DLG2: variants seen among roughly 807,000 people sequenced by gnomAD.
The protein encoded by DLG2 is disks large homolog 2.
Under a neutral mutation model 132.5 loss-of-function variants are expected in DLG2, and 45 were observed. The observed-to-expected ratio is 0.34, with a 90% confidence interval of 0.27 to 0.44. The LOEUF (loss-of-function observed/expected upper bound fraction) is 0.44. DLG2 is among the 20% of genes least tolerant of loss of function. The pLI, the probability that DLG2 is intolerant of heterozygous loss-of-function variation, is 1.00. For synonymous variants in DLG2, 424 were observed against 419.6 expected, an observed-to-expected ratio of 1.01 and a Z score of -0.13; for missense variants, 1,045 against 1,196.9, an observed-to-expected ratio of 0.87 and a Z score of 1.87.
intron 18 of DLG2, among the ~76,000 whole-genome samples, chr11:83,718,233 A>G (rs1200964692): frequency 6.6e-6 from 1 of 152,096 alleles, no homozygotes; most frequent in Non-Finnish European, 1.5e-5. Context: ...CTGGGCTTCT[A>G]AGGTCATTAA....
chr11:84,244,987 A>G (rs768151715), intron 8 of DLG2, among the ~76,000 whole-genome samples: 2 of 152,222 alleles, frequency 1.3e-5, no homozygotes, highest in East Asian at 1.9e-4. Flanking sequence ...CAGACCTACA[A>G]CAAGTGCTTG....
intron 7 of DLG2, among the ~76,000 whole-genome samples, chr11:84,341,542 C>T (rs1426487499): frequency 1.3e-5 from 2 of 152,116 alleles, no homozygotes; most frequent in African/African-American, 4.8e-5. Flanking sequence ...TTTAATTATT[C>T]TAGAGATATA....
At chr11:84,657,895 C>T (rs2099690115) in intron 6 of DLG2, among the ~76,000 whole-genome samples, 1 of 152,170 alleles carries the variant, frequency 6.6e-6, no homozygotes, top group African/African-American at 2.4e-5. Context: ...ACGGTCATTC[C>T]TTTTTCCTTA....
chr11:83,755,241 A>G (rs1423766123), intron 18 of DLG2, among the ~76,000 whole-genome samples: 3 of 151,444 alleles, frequency 2.0e-5, no homozygotes, highest in Non-Finnish European at 4.4e-5. Flanking sequence ...TTACATTTCC[A>G]GCACAGATTA....
At chr11:85,619,179 T>C (rs1173651198) in intron 2 of DLG2, among the ~76,000 whole-genome samples, 2 of 152,178 alleles carry the variant, frequency 1.3e-5, no homozygotes, top group East Asian at 3.8e-4. Flanking sequence ...AAATTGTCCC[T>C]ACGGGGAATT....
chr11:85,498,147 G>C (rs1057075860), intron 3 of DLG2, among the ~76,000 whole-genome samples: 2 of 152,092 alleles, frequency 1.3e-5, no homozygotes, highest in Non-Finnish European at 2.9e-5. Flanking sequence ...ATAAAATAAA[G>C]AGTCAAGAAC....
In DLG2 at chr11:84,262,485, G is replaced by A. The variant is rs149838499; in HGVS notation, c.520-11194C>T. On this transcript the variant is annotated intron_variant, in intron 7 of 27. Coordinates refer to ENST00000376104, the MANE Select transcript of DLG2 (RefSeq NM_001142699.3). Reference sequence around the variant, plus strand: ...ACTAGACATTTATTCAAAGCCTCATGTCTTATATTAAAAATGAATGCAATT... The same window carrying A: ...ACTAGACATTTATTCAAAGCCTCATATCTTATATTAAAAATGAATGCAATT... 1.3e-3 allele frequency among the ~76,000 whole-genome samples: 196 copies of A among 152,244 alleles called. 1 individual carries two copies. Among genetic ancestry groups the A allele is most frequent in the African/African-American group, 3.6e-3 (148 of 41,544 alleles).
chr11:83,968,125 TTGGAC>T (rs1413192398), intron 12 of DLG2, among the ~76,000 whole-genome samples: 3 of 152,340 alleles, frequency 2.0e-5, no homozygotes, highest in Admixed American at 2.0e-4. Context: ...CCCAAAAGCA[TTGGAC>T]TGAATTCCTA....
intron 7 of DLG2, among the ~76,000 whole-genome samples, chr11:84,518,978 A>G (rs1565173512): frequency 6.6e-6 from 1 of 152,146 alleles, no homozygotes; most frequent in Non-Finnish European, 1.5e-5. Context: ...GAGACCATAA[A>G]GCCTGGAAAT....
chr11:84,791,170 GA>G (rs1294673891), intron 6 of DLG2, among the ~76,000 whole-genome samples: 1 of 152,058 alleles, frequency 6.6e-6, no homozygotes, highest in African/African-American at 2.4e-5. Context: ...TCACTATCCG[GA>G]TAACAGCATG....
chr11:84,354,759 C>T (rs2098600940), intron 7 of DLG2, among the ~76,000 whole-genome samples: 2 of 152,090 alleles, frequency 1.3e-5, no homozygotes, highest in Non-Finnish European at 2.9e-5. Context: ...CAGTTAGGCT[C>T]ACTACATCAA....
intron 6 of DLG2, among the ~76,000 whole-genome samples, chr11:84,643,396 T>C (rs1250741074): frequency 2.6e-5 from 4 of 152,226 alleles, no homozygotes; most frequent in Non-Finnish European, 1.5e-5. Context: ...CTTCAGAGCA[T>C]GGGATGTAGA....
chr11:85,322,628 A>G (rs956850051), intron 3 of DLG2, among the ~76,000 whole-genome samples: 1 of 152,180 alleles, frequency 6.6e-6, no homozygotes, highest in Admixed American at 6.5e-5. Flanking sequence ...AAATGGTTCC[A>G]TAACCAAAAA....
intron 3 of DLG2, among the ~76,000 whole-genome samples, chr11:85,497,432 C>A (rs914810891): frequency 4.0e-5 from 6 of 151,874 alleles, no homozygotes; most frequent in Non-Finnish European, 8.8e-5. Context: ...ACTACGTGAA[C>A]AGGCCAAATC....
At chr11:84,610,398 G>T (rs907741996) in intron 6 of DLG2, among the ~76,000 whole-genome samples, 1 of 151,836 alleles carries the variant, frequency 6.6e-6, no homozygotes, top group Non-Finnish European at 1.5e-5. Flanking sequence ...CTTAAATAAA[G>T]AAAAATTTTT....
intron 11 of DLG2, among the ~76,000 whole-genome samples, chr11:83,990,321 A>T (rs1410015484): frequency 6.6e-6 from 1 of 152,084 alleles, no homozygotes; most frequent in Non-Finnish European, 1.5e-5. Flanking sequence ...CATCTTTCCA[A>T]TTTTCTTGCA....
chr11:84,251,364 T>G, intron 7 of DLG2, 73 bp from the exon 8 acceptor site: 3 of 1,184,078 alleles, frequency 2.5e-6, no homozygotes, highest in Admixed American at 2.9e-5. Flanking sequence ...TGTTAACTTA[T>G]TTAACAAAGA....
chr11:84,491,040 G>A (rs756158230), intron 7 of DLG2, among the ~76,000 whole-genome samples: 1 of 152,042 alleles, frequency 6.6e-6, no homozygotes, highest in Non-Finnish European at 1.5e-5. Context: ...GGTAGAGCTA[G>A]AGTATGAAAT....
At chr11:83,990,801 G>T (rs1372280256) in intron 11 of DLG2, among the ~76,000 whole-genome samples, 1 of 152,078 alleles carries the variant, frequency 6.6e-6, no homozygotes, top group African/African-American at 2.4e-5. Flanking sequence ...AGTTTATTTA[G>T]GATCTGCTAG....
Sources: gnomAD v4.1 joint callset for allele counts (sites outside exome capture counted in the v4.1 genomes callset) on GRCh38, gnomAD v4.1.1 for gene constraint, MANE v1.5 for transcripts, NCBI Gene and HGNC (gene_info 2026-07-23, HGNC 2026-07-21) for gene names.